CEP128: variants seen among roughly 807,000 people sequenced by gnomAD.
The protein encoded by CEP128 is centrosomal protein 128kDa.
CEP128 carries 132 observed loss-of-function variants against 156.7 expected under a neutral mutation model. The observed-to-expected ratio is 0.84, with a 90% confidence interval of 0.73 to 0.97. CEP128 has a LOEUF of 0.97. CEP128 is among the 50% of genes least tolerant of loss of function. The pLI is 0.00. For missense variants in CEP128, 1,252 were observed against 1,281.9 expected, an observed-to-expected ratio of 0.98 and a Z score of 0.36; for synonymous variants, 469 against 448.9, an observed-to-expected ratio of 1.04 and a Z score of -0.57.
At chr14:80,784,849 C>T in intron 15 of CEP128, 46 bp downstream of exon 15, 1 of 1,470,952 alleles carries the variant, frequency 6.8e-7, no homozygotes, top group Non-Finnish European at 9.2e-7. Context: ...TCATGAGCCA[C>T]CAGAAAAATT....
chr14:80,665,210 G>C (rs1454132610), intron 19 of CEP128, among the ~76,000 whole-genome samples: 1 of 152,200 alleles, frequency 6.6e-6, no homozygotes, highest in African/African-American at 2.4e-5. Context: ...CTAGGGGCCA[G>C]TGGGGTATGT....
chr14:80,562,655 CTTT>C (rs1170778718), intron 20 of CEP128, among the ~76,000 whole-genome samples: 7 of 114,380 alleles, frequency 6.1e-5, no homozygotes, highest in East Asian at 2.5e-4. Flanking sequence ...CTTTTCTTTT[CTTT>C]TTTTTTTTTT....
intron 2 of CEP128, among the ~76,000 whole-genome samples, chr14:80,953,706 T>C (rs1418611688): frequency 6.6e-6 from 1 of 152,212 alleles, no homozygotes. Context: ...TAAACTACCA[T>C]GGAACCATCA....
At chr14:80,608,957 A>G (rs909657503) in intron 19 of CEP128, among the ~76,000 whole-genome samples, 2 of 152,190 alleles carry the variant, frequency 1.3e-5, no homozygotes, top group Admixed American at 6.5e-5. Flanking sequence ...CAGTACCTGG[A>G]ACCAGTAAAC....
chr14:80,671,154 T>C (rs1895825240), intron 19 of CEP128, among the ~76,000 whole-genome samples: 2 of 152,162 alleles, frequency 1.3e-5, no homozygotes, highest in Admixed American at 6.5e-5. Flanking sequence ...GGACATGCTA[T>C]AGATAAGGAC....
At chr14:80,843,806 T>C (rs1039668813) in intron 9 of CEP128, among the ~76,000 whole-genome samples, 1 of 151,994 alleles carries the variant, frequency 6.6e-6, no homozygotes, top group African/African-American at 2.4e-5. Context: ...TGAGTATGTA[T>C]AAAACACTAT....
intron 19 of CEP128, among the ~76,000 whole-genome samples, chr14:80,721,734 A>C (rs1243562512): frequency 6.6e-6 from 1 of 152,226 alleles, no homozygotes; most frequent in African/African-American, 2.4e-5. Flanking sequence ...CTGTTATCGA[A>C]CAAGTCAGGA....
At chr14:80,600,829 C>G (rs1331468533) in intron 19 of CEP128, among the ~76,000 whole-genome samples, 1 of 151,810 alleles carries the variant, frequency 6.6e-6, no homozygotes, top group Non-Finnish European at 1.5e-5. Context: ...GATACATATA[C>G]AGTATATGAT....
In CEP128 at chr14:80,831,230, G is replaced by A. The variant is rs763788480; in HGVS notation, c.1122C>T (p.Phe374=). The A allele has an allele frequency of 6.2e-7, 1 of 1,613,872 alleles. No homozygotes were observed. Among genetic ancestry groups the A allele is most frequent in the Non-Finnish European group, 8.5e-7 (1 of 1,179,932 alleles). ...CCTCTAACTCAGATGCCATTGCGCTGAAGTTCAGCTGCACTCTCAAATCTG... is the reference window on the plus strand; with the variant it reads ...CCTCTAACTCAGATGCCATTGCGCTAAAGTTCAGCTGCACTCTCAAATCTG... ...QMSDLRVQLN[F]SAMASELEEV... The change falls in exon 13 of 25, where the codon TTC becomes TTT. Residue 374 remains phenylalanine, a synonymous_variant. Transcript: ENST00000555265.
chr14:80,808,064 C>T (rs1566640728), intron 13 of CEP128, among the ~76,000 whole-genome samples: 1 of 152,286 alleles, frequency 6.6e-6, no homozygotes, highest in East Asian at 1.9e-4. Context: ...TTGTCTGGGA[C>T]CAGGAGAAGT....
intron 19 of CEP128, among the ~76,000 whole-genome samples, chr14:80,685,259 C>T (rs1896481448): frequency 6.6e-6 from 1 of 151,860 alleles, no homozygotes; most frequent in Non-Finnish European, 1.5e-5. Flanking sequence ...TTTTGGGACA[C>T]AAAACCAATG....
At chr14:80,753,404 G>A (rs529799158) in intron 18 of CEP128, among the ~76,000 whole-genome samples, 3 of 152,294 alleles carry the variant, frequency 2.0e-5, no homozygotes, top group African/African-American at 7.2e-5. Context: ...ACTGGATATA[G>A]GAATTAAATG....
intron 19 of CEP128, among the ~76,000 whole-genome samples, chr14:80,711,175 A>G (rs975453358): frequency 6.6e-6 from 1 of 152,116 alleles, no homozygotes; most frequent in African/African-American, 2.4e-5. Flanking sequence ...GAATTCACTT[A>G]GGAGACCTTT....
intron 19 of CEP128, among the ~76,000 whole-genome samples, chr14:80,599,418 A>G (rs914359555): frequency 6.6e-6 from 1 of 151,694 alleles, no homozygotes; most frequent in African/African-American, 2.4e-5. Flanking sequence ...GATGACAGGC[A>G]CCCGCCACCA....
At chr14:80,717,572 A>G (rs1334100738) in intron 19 of CEP128, among the ~76,000 whole-genome samples, 1 of 152,176 alleles carries the variant, frequency 6.6e-6, no homozygotes, top group Non-Finnish European at 1.5e-5. Flanking sequence ...ATATATTTTG[A>G]AAATATAAAA....
At chr14:80,544,487 G>C (rs1423148410) in intron 21 of CEP128, among the ~76,000 whole-genome samples, 1 of 152,044 alleles carries the variant, frequency 6.6e-6, no homozygotes, top group African/African-American at 2.4e-5. Flanking sequence ...CATCTCTCTA[G>C]TATCTTTTGC....
At chr14:80,713,730 T>C (rs1024847508) in intron 19 of CEP128, among the ~76,000 whole-genome samples, 16 of 152,152 alleles carry the variant, frequency 1.1e-4, no homozygotes, top group African/African-American at 2.4e-4. Context: ...TTTTAAAAAA[T>C]AGAATAACTT....
intron 9 of CEP128, among the ~76,000 whole-genome samples, chr14:80,860,834 T>C (rs77223236): frequency 0.081 from 12,297 of 152,080 alleles, 591 homozygotes; most frequent in Middle Eastern, 0.13. Flanking sequence ...AAAAAAACTT[T>C]AAAAAATCTG....
At position 80,732,932 on chromosome 14, in the gene CEP128, G is replaced by A. The variant is rs138725113; in HGVS notation, c.2806+10143C>T. 6.2e-4 allele frequency among the ~76,000 whole-genome samples: 85 copies of A among 137,978 alleles called. 1 individual carries two copies. The highest frequency in any genetic ancestry group is 3.9e-3 in the Middle Eastern group (1 of 256). 90.5% of individuals were successfully genotyped at this position (137,978 alleles called of 152,430 possible). A position where few individuals can be genotyped will look rare whatever the true frequency, so the allele number is the denominator to read the frequency against. On this transcript the variant is annotated intron_variant, in intron 19 of 24. Coordinates refer to ENST00000555265, the MANE Select transcript of CEP128 (RefSeq NM_152446.5). ...TAAATAAGACAAAGGTGGTATAAAG[G>A]TTAATTTTATATGTCAACTTGACTG...
Sources: allele counts gnomAD v4.1 joint callset (sites outside exome capture counted in the v4.1 genomes callset), GRCh38; gene constraint gnomAD v4.1.1; transcripts MANE v1.5; gene names NCBI Gene and HGNC (gene_info 2026-07-23, HGNC 2026-07-21).